The following COL4A5 variants were observed in gnomAD, a reference collection of about 807,000 sequenced individuals.
The protein encoded by COL4A5 is collagen type IV alpha 5 chain, also known as collagen alpha-5(IV) chain.
COL4A5 carries 26 observed loss-of-function variants against 130.2 expected under a neutral mutation model. The observed-to-expected ratio is 0.20, with a 90% CI of 0.15 to 0.28. The LOEUF (loss-of-function observed/expected upper bound fraction) is 0.28, where lower values mean the gene tolerates loss of function less well. Ranked by LOEUF, COL4A5 falls within the 10% of genes least tolerant of loss-of-function variation. The pLI, the probability that COL4A5 is intolerant of heterozygous loss-of-function variation, is 1.00. For synonymous variants in COL4A5, 496 were observed against 439.6 expected (o/e 1.13, Z -1.60); for missense variants, 1,131 against 1,344.3 (o/e 0.84, Z 2.48).
chrX:108,490,100 C>A (rs2064981114), intron 1 of COL4A5, among the ~76,000 whole-genome samples: 1 of 111,659 alleles, frequency 9.0e-6, no homozygotes, highest in African/African-American at 3.3e-5. Context: ...GTAATATAAT[C>A]TGCCACTCTA....
intron 4 of COL4A5, among the ~76,000 whole-genome samples, chrX:108,564,822 T>C (rs1273294176): frequency 1.8e-5 from 2 of 111,784 alleles, no homozygotes; most frequent in African/African-American, 6.5e-5. Flanking sequence ...ATTTAGTAGA[T>C]GCATAATTTT....
chrX:108,507,176 C>G (rs953943666), intron 1 of COL4A5, among the ~76,000 whole-genome samples: 22 of 105,536 alleles, frequency 2.1e-4, no homozygotes, highest in South Asian at 4.4e-4. Flanking sequence ...AGGAGGGACT[C>G]CTTCCCAACT....
intron 2 of COL4A5, among the ~76,000 whole-genome samples, chrX:108,549,863 TC>T (rs2065724148): frequency 1.8e-5 from 2 of 111,598 alleles, no homozygotes; most frequent in African/African-American, 6.5e-5. Context: ...CATTAAAAGA[TC>T]AATAAGGGAC....
At position 108,658,749 on chromosome X, in the gene COL4A5, A is replaced by G. The variant is rs778365601; in HGVS notation, c.3373+3292A>G. Among the ~76,000 whole-genome samples, 6 of 111,377 alleles carry G rather than the reference A, an allele frequency of 5.4e-5. 1 individual carries two copies. In the South Asian group the frequency reaches 2.2e-3, roughly 41 times the overall value. The stretch of plus-strand genomic sequence containing the variant: ...TTAATTTCTGCAGAATGTGTACTGA[A>G]GTCTGCATTTTAATAATGTTTTGAT... On this transcript the variant is annotated intron_variant, in intron 37 of 52. Coordinates refer to ENST00000328300, the MANE Select transcript of COL4A5 (RefSeq NM_033380.3).
intron 29 of COL4A5, among the ~76,000 whole-genome samples, chrX:108,612,109 A>G (rs1253756004): frequency 9.0e-6 from 1 of 111,571 alleles, no homozygotes; most frequent in Non-Finnish European, 1.9e-5. Flanking sequence ...TCCTGGAAAA[A>G]TAGTCTCAGA....
intron 1 of COL4A5, among the ~76,000 whole-genome samples, chrX:108,442,119 G>A (rs1431751313): frequency 1.8e-5 from 2 of 111,764 alleles, no homozygotes; most frequent in African/African-American, 6.5e-5. Flanking sequence ...TATTTTAATA[G>A]GCTCAAAAAT....
At chrX:108,615,708 C>T (rs377511083) in intron 30 of COL4A5, among the ~76,000 whole-genome samples, 7 of 111,408 alleles carry the variant, frequency 6.3e-5, no homozygotes, top group South Asian at 3.8e-4. Context: ...TGTGAATTCT[C>T]GTTATGTTAA....
intron 47 of COL4A5, among the ~76,000 whole-genome samples, chrX:108,684,822 G>A (rs2068512429): frequency 8.9e-6 from 1 of 112,237 alleles, no homozygotes; most frequent in East Asian, 2.8e-4. Flanking sequence ...TCAGTCCAAC[G>A]TCCCTGATGA....
intron 25 of COL4A5, among the ~76,000 whole-genome samples, chrX:108,600,340 C>A (rs903993116): frequency 1.8e-5 from 2 of 111,584 alleles, no homozygotes; most frequent in Admixed American, 9.6e-5. Context: ...ACTTTCACAT[C>A]ATCAAAATTA....
intron 1 of COL4A5, among the ~76,000 whole-genome samples, chrX:108,496,023 G>A (rs1301388965): frequency 3.6e-5 from 4 of 112,343 alleles, no homozygotes; most frequent in Non-Finnish European, 7.5e-5. Flanking sequence ...GGAAGAGGCA[G>A]CGTTTTGTCT....
chrX:108,629,949 G>A (rs1038921983), intron 36 of COL4A5, among the ~76,000 whole-genome samples: 2 of 111,141 alleles, frequency 1.8e-5, no homozygotes, highest in Non-Finnish European at 3.8e-5. Context: ...CAGAATGATG[G>A]TTTCCAGCTT....
At chrX:108,581,709 T>C (rs1418265049) in intron 16 of COL4A5, among the ~76,000 whole-genome samples, 2 of 111,363 alleles carry the variant, frequency 1.8e-5, no homozygotes, top group African/African-American at 6.5e-5. Context: ...TATCAGTTCA[T>C]TTTTTTATTG....
Position 108,626,344 on chromosome X carries a change from C to A in COL4A5, c.3241C>A (p.Pro1081Thr). Residue 1081 changes from proline (P) to threonine (T), a missense_variant, in exon 36 of 53, where the codon CCA (proline) becomes ACA (threonine). By Grantham distance (38) the Pro-to-Thr change is conservative. Coordinates refer to ENST00000328300, the MANE Select transcript of COL4A5 (RefSeq NM_033380.3). ...SSIGLPGLPGPKGEPGLPGYP... is the reference protein window; with the variant it reads ...SSIGLPGLPGTKGEPGLPGYP... ...CATTGGTCTTCCAGGTCTTCCTGGT[C>A]CAAAGGTAATCTTTGGCATATAGTT... The A allele has an allele frequency of 8.3e-7, 1 of 1,210,534 alleles. No homozygotes were observed. The highest frequency in any genetic ancestry group is 1.1e-6 in the Non-Finnish European group (1 of 894,964).
intron 1 of COL4A5, among the ~76,000 whole-genome samples, chrX:108,479,354 G>T (rs780646461): frequency 1.7e-4 from 19 of 112,228 alleles, no homozygotes; most frequent in Non-Finnish European, 3.4e-4. Flanking sequence ...GTATACAATC[G>T]CACATCTGGC....
chrX:108,536,025 A>C (rs1243771871), intron 1 of COL4A5, among the ~76,000 whole-genome samples: 1 of 111,528 alleles, frequency 9.0e-6, no homozygotes, highest in Non-Finnish European at 1.9e-5. Context: ...ACTTCAGCTT[A>C]CTGGAAGAAT....
At chrX:108,647,256 T>C (rs2067614864) in intron 36 of COL4A5, among the ~76,000 whole-genome samples, 1 of 111,538 alleles carries the variant, frequency 9.0e-6, no homozygotes, top group African/African-American at 3.3e-5. Flanking sequence ...TTTTATTTCA[T>C]TGAGCAGTGG....
chrX:108,625,902 G>A (rs1042282370), intron 35 of COL4A5, 108 bp downstream of exon 35: 12 of 588,903 alleles, frequency 2.0e-5, no homozygotes, highest in Middle Eastern at 4.8e-4. Flanking sequence ...AGACTGAAAC[G>A]ATATCTGAGG....
At chrX:108,504,587 C>G (rs780722211) in intron 1 of COL4A5, among the ~76,000 whole-genome samples, 1 of 112,143 alleles carries the variant, frequency 8.9e-6, no homozygotes, top group African/African-American at 3.2e-5. Flanking sequence ...CATGAATAGA[C>G]ATTTCTGTCT....
At chrX:108,626,652 A>G in intron 36 of COL4A5, 1 of 1,024,276 alleles carries the variant, frequency 9.8e-7, no homozygotes, top group Non-Finnish European at 1.2e-6. Flanking sequence ...ATCCCTTTTT[A>G]GTGATGGAGT....
Sources: gnomAD v4.1 joint callset for allele counts (sites outside exome capture counted in the v4.1 genomes callset) on GRCh38, gnomAD v4.1.1 for gene constraint, MANE v1.5 for transcripts, NCBI Gene and HGNC (gene_info 2026-07-23, HGNC 2026-07-21) for gene names.